Variants in NAALADL2 observed in about 807,000 individuals in gnomAD.
The protein encoded by NAALADL2 is inactive N-acetylated-alpha-linked acidic dipeptidase-like protein 2.
A neutral mutation model predicts 87.2 loss-of-function variants in NAALADL2; 76 were observed. The ratio of observed to expected loss-of-function variants is 0.87; its 90% CI spans 0.72 to 1.05. The LOEUF is 1.05. Among genes scored for constraint, NAALADL2 ranks in the 50% least tolerant of loss-of-function variants. NAALADL2 has a pLI of 0.00. For missense variants in NAALADL2, 1,089 were observed against 945.8 expected, an observed-to-expected ratio of 1.15 and a Z score of -1.99; for synonymous variants, 354 against 331.0, an observed-to-expected ratio of 1.07 and a Z score of -0.75.
chr3:175,050,901 GA>G (rs1304406320), intron 1 of NAALADL2, among the ~76,000 whole-genome samples: 1 of 152,068 alleles, frequency 6.6e-6, no homozygotes, highest in Admixed American at 6.6e-5. Context: ...TCGATAAGAT[GA>G]AAAAACTAGG....
At chr3:175,229,581 G>T (rs1426880450) in intron 2 of NAALADL2, among the ~76,000 whole-genome samples, 3 of 151,876 alleles carry the variant, frequency 2.0e-5, no homozygotes, top group African/African-American at 7.3e-5. Context: ...TCTGGTAAGG[G>T]CCTGCTCCCT....
chr3:175,535,523 A>T (rs893193107), intron 9 of NAALADL2, among the ~76,000 whole-genome samples: 1 of 152,126 alleles, frequency 6.6e-6, no homozygotes, highest in African/African-American at 2.4e-5. Context: ...TACCATACCC[A>T]CAGCAATGCT....
chr3:174,540,927 C>T (rs1578125583), intron 1 of NAALADL2, among the ~76,000 whole-genome samples: 1 of 152,038 alleles, frequency 6.6e-6, no homozygotes. Flanking sequence ...ATAGCTACTG[C>T]GCAACTATGT....
intron 5 of NAALADL2, among the ~76,000 whole-genome samples, chr3:175,343,719 A>G (rs1762841537): frequency 7.0e-6 from 1 of 142,006 alleles, no homozygotes; most frequent in Non-Finnish European, 1.5e-5. Context: ...TTGGGAAAAG[A>G]TTGATAAAGA....
chr3:175,132,118 G>A (rs1238288340), intron 2 of NAALADL2, among the ~76,000 whole-genome samples: 8 of 128,890 alleles, frequency 6.2e-5, no homozygotes, highest in Admixed American at 1.5e-4. Context: ...CGGATGGGGC[G>A]GCTGGCCGGG....
intron 4 of NAALADL2, among the ~76,000 whole-genome samples, chr3:175,287,164 CT>C (rs1755084060): frequency 6.6e-6 from 1 of 151,924 alleles, no homozygotes; most frequent in Non-Finnish European, 1.5e-5. Flanking sequence ...TTCTTCATTT[CT>C]TTTAGTAGTG....
At position 175,370,065 on chromosome 3, in the gene NAALADL2, T is replaced by C. The variant is rs1366247208; in HGVS notation, c.1090+45740T>C. On this transcript the variant is annotated intron_variant, in intron 5 of 13. Coordinates refer to ENST00000454872, the MANE Select transcript of NAALADL2 (RefSeq NM_207015.3). ...TCTGAGAGCTGCTTGTCTGATCATGTTGCCACTGGACAAAGTAAGCCTTAC... is the reference window on the plus strand; with the variant it reads ...TCTGAGAGCTGCTTGTCTGATCATGCTGCCACTGGACAAAGTAAGCCTTAC... Among the ~76,000 whole-genome samples the C allele has an allele frequency of 3.3e-5, 5 of 152,290 alleles. No individual in the cohort carries two copies. In the East Asian group the frequency reaches 7.7e-4, roughly 24 times the overall value.
At chr3:174,828,740 A>G (rs1035092455) in intron 3 of NAALADL2, among the ~76,000 whole-genome samples, 2 of 152,172 alleles carry the variant, frequency 1.3e-5, no homozygotes, top group African/African-American at 2.4e-5. Flanking sequence ...TTTACATGTT[A>G]TAAACCTACC....
At chr3:175,090,119 A>G (rs960208334) in intron 1 of NAALADL2, among the ~76,000 whole-genome samples, 3 of 152,108 alleles carry the variant, frequency 2.0e-5, no homozygotes, top group African/African-American at 7.2e-5. Context: ...GATACTCTGG[A>G]ATCTAGGTGG....
intron 2 of NAALADL2, among the ~76,000 whole-genome samples, chr3:175,105,528 A>G (rs1722953088): frequency 6.8e-6 from 1 of 147,658 alleles, no homozygotes; most frequent in Admixed American, 6.9e-5. Flanking sequence ...CATATTTTAT[A>G]CATTCATATA....
intron 2 of NAALADL2, among the ~76,000 whole-genome samples, chr3:174,591,352 CAGT>C (rs1717342859): frequency 6.6e-6 from 1 of 152,150 alleles, no homozygotes; most frequent in Non-Finnish European, 1.5e-5. Flanking sequence ...GATAAAATCA[CAGT>C]AGACTACAAA....
At chr3:175,455,668 A>G (rs1219501217) in intron 6 of NAALADL2, among the ~76,000 whole-genome samples, 2 of 152,226 alleles carry the variant, frequency 1.3e-5, no homozygotes, top group Non-Finnish European at 2.9e-5. Flanking sequence ...GGGGATAGCT[A>G]TATGTACTTG....
chr3:174,787,604 T>TATACACACAC lies in NAALADL2; in HGVS notation c.-9+49861_-9+49862insCACACACATA. Among the ~76,000 whole-genome samples the TATACACACAC allele has an allele frequency of 5.7e-5, 5 of 87,938 alleles. No individual in the cohort carries two copies. In the South Asian group the frequency reaches 2.0e-3, roughly 35 times the overall value. The allele number at this position is 87,938 out of a possible 152,430, so 57.7% of individuals were successfully genotyped here. A position where few individuals can be genotyped will look rare whatever the true frequency, so the allele number is the denominator to read the frequency against. On this transcript the variant is annotated intron_variant, in intron 3 of 3. Transcript: ENST00000434257. ...ATATATATATATATATATATATATATATATATATATATATATAGTAGTGAC... is the reference window on the plus strand; with the variant it reads ...ATATATATATATATATATATATATATATACACACACATATATATATATATATAGTAGTGAC...
intron 1 of NAALADL2, among the ~76,000 whole-genome samples, chr3:175,007,025 A>G (rs1262797015): frequency 6.6e-6 from 1 of 151,760 alleles, no homozygotes; most frequent in African/African-American, 2.4e-5. Context: ...TTCATAGCTC[A>G]TTATCTTAAT....
intron 2 of NAALADL2, among the ~76,000 whole-genome samples, chr3:175,232,237 G>GAAGAGGAAGAAGAAAGAAGAAAGAAGA (rs1553824045): frequency 1.3e-5 from 2 of 149,342 alleles, no homozygotes; most frequent in African/African-American, 2.5e-5. Flanking sequence ...AGAGGAAGAG[G>GAAGAGGAAGAAGAAAGAAGAAAGAAGA]AAGAAGAAAG....
chr3:175,254,898 C>A (rs112474171), intron 3 of NAALADL2, among the ~76,000 whole-genome samples: 3 of 152,144 alleles, frequency 2.0e-5, no homozygotes, highest in Admixed American at 6.6e-5. Flanking sequence ...ATTTCCCTGA[C>A]AAATGCATTT....
chr3:175,801,142 C>T (rs928605819), intron 13 of NAALADL2, among the ~76,000 whole-genome samples: 17 of 152,112 alleles, frequency 1.1e-4, no homozygotes, highest in Non-Finnish European at 1.6e-4. Flanking sequence ...GCCCTGATTC[C>T]ATCTTTTCAA....
At chr3:175,369,303 A>G (rs1212159890) in intron 5 of NAALADL2, among the ~76,000 whole-genome samples, 2 of 140,884 alleles carry the variant, frequency 1.4e-5, no homozygotes, top group Middle Eastern at 4.1e-3. Context: ...TGCATGTGTA[A>G]TTATATATGT....
intron 9 of NAALADL2, among the ~76,000 whole-genome samples, chr3:175,526,728 A>C (rs1733466045): frequency 6.6e-6 from 1 of 152,170 alleles, no homozygotes; most frequent in Admixed American, 6.5e-5. Flanking sequence ...CAACCAACAA[A>C]CAAAAGCCCA....
Sources: allele counts gnomAD v4.1 joint callset (sites outside exome capture counted in the v4.1 genomes callset), GRCh38; gene constraint gnomAD v4.1.1; transcripts MANE v1.5; gene names NCBI Gene and HGNC (gene_info 2026-07-23, HGNC 2026-07-21).